The following TMEM232 variants were observed in gnomAD, a reference collection of about 807,000 sequenced individuals.
TMEM232 encodes the protein transmembrane protein 232.
Under a neutral mutation model 78.8 loss-of-function variants are expected in TMEM232, and 80 were observed. The observed-to-expected ratio is 1.01, with a 90% confidence interval of 0.85 to 1.22. The LOEUF (loss-of-function observed/expected upper bound fraction) is 1.22. TMEM232 is among the 50% of genes most tolerant of loss of function. The pLI is 0.00. For missense variants in TMEM232, 881 were observed against 742.2 expected (o/e 1.19, Z -2.17); for synonymous variants, 297 against 254.3 (o/e 1.17, Z -1.60).
chr5:110,538,419 G>C (rs1418861944), intron 11 of TMEM232, among the ~76,000 whole-genome samples: 1 of 152,088 alleles, frequency 6.6e-6, no homozygotes, highest in South Asian at 2.1e-4. Flanking sequence ...AAAATGGCAG[G>C]CAAAAATTAT....
chr5:110,406,616 G>A (rs973692587), intron 2 of TMEM232, among the ~76,000 whole-genome samples: 2 of 151,994 alleles, frequency 1.3e-5, no homozygotes, highest in African/African-American at 4.8e-5. Flanking sequence ...CATCTTGCAA[G>A]AAATGCTAAA....
chr5:110,658,323 C>T (rs753460109), intron 2 of TMEM232, among the ~76,000 whole-genome samples: 21 of 152,180 alleles, frequency 1.4e-4, no homozygotes, highest in Admixed American at 6.5e-4. Context: ...AAAATATCTA[C>T]GGTTTTATAT....
At chr5:110,619,297 T>C (rs1432268724) in intron 7 of TMEM232, among the ~76,000 whole-genome samples, 1 of 152,174 alleles carries the variant, frequency 6.6e-6, no homozygotes, top group African/African-American at 2.4e-5. Context: ...TTATTTATTA[T>C]ATAAAACAAC....
chr5:110,699,337 T>C (rs1795179308), intron 1 of TMEM232, among the ~76,000 whole-genome samples: 1 of 151,976 alleles, frequency 6.6e-6, no homozygotes, highest in African/African-American at 2.4e-5. Context: ...AAATAATACA[T>C]CTAACTGAAA....
At chr5:110,496,991 G>T (rs763977606) in intron 12 of TMEM232, among the ~76,000 whole-genome samples, 15 of 151,910 alleles carry the variant, frequency 9.9e-5, no homozygotes, top group Non-Finnish European at 1.9e-4. Flanking sequence ...AAATTCCTAG[G>T]ATCTGGTGAT....
chr5:110,430,772 T>C (rs1426754381), intron 12 of TMEM232, among the ~76,000 whole-genome samples: 1 of 151,748 alleles, frequency 6.6e-6, no homozygotes, highest in Non-Finnish European at 1.5e-5. Context: ...TGTTTGTCAC[T>C]AAAGTGATAG....
chr5:110,720,890 TAAGAG>T (rs1172154388), intron 1 of TMEM232: 5 of 151,972 alleles, frequency 3.3e-5, no homozygotes. Context: ...AAAATAAATA[TAAGAG>T]AAAATTAAAT....
intron 2 of TMEM232, among the ~76,000 whole-genome samples, chr5:110,661,171 C>G (rs1350175029): frequency 6.6e-6 from 1 of 152,138 alleles, no homozygotes; most frequent in East Asian, 1.9e-4. Flanking sequence ...GAATTTGATT[C>G]TTTTATGGTT....
chr5:110,559,289 G>A (rs1775484770), intron 11 of TMEM232, among the ~76,000 whole-genome samples: 1 of 152,100 alleles, frequency 6.6e-6, no homozygotes, highest in African/African-American at 2.4e-5. Context: ...TAGGAAAATA[G>A]TTCTTAAATA....
At chr5:110,413,479 A>G (rs1386713078) in intron 2 of TMEM232, among the ~76,000 whole-genome samples, 1 of 152,160 alleles carries the variant, frequency 6.6e-6, no homozygotes, top group Non-Finnish European at 1.5e-5. Context: ...ATACTCCTTA[A>G]TAAACTCCCT....
intron 3 of TMEM232, among the ~76,000 whole-genome samples, chr5:110,394,077 T>C (rs1755300959): frequency 6.6e-6 from 1 of 152,134 alleles, no homozygotes; most frequent in African/African-American, 2.4e-5. Flanking sequence ...TTAACCATCT[T>C]TATTGCCACT....
chr5:110,524,400 AAAGAAAGAAAG>A lies in TMEM232; in HGVS notation c.1703+4177_1703+4187del, dbSNP rs1221148348. 8.7e-3 allele frequency among the ~76,000 whole-genome samples: 603 copies of A among 69,248 alleles called. 3 individuals carry two copies. The highest frequency in any genetic ancestry group is 0.037 in the African/African-American group (511 of 13,954). 45.4% of individuals were successfully genotyped at this position (69,248 alleles called of 152,430 possible). A position where few individuals can be genotyped will look rare whatever the true frequency, so the allele number is the denominator to read the frequency against. On this transcript the variant is annotated intron_variant, in intron 12 of 13. Transcript: ENST00000455884. ...GAAAGAAAGAAAGAAAGAAAGAAAG[AAAGAAAGAAAG>A]AAAGAAAAGAAAAGAAAAGAAAAGA...
intron 12 of TMEM232, among the ~76,000 whole-genome samples, chr5:110,501,441 G>A (rs1766251511): frequency 6.6e-6 from 1 of 151,902 alleles, no homozygotes; most frequent in South Asian, 2.1e-4. Flanking sequence ...AAGAAATTAA[G>A]TTGTCATTTT....
chr5:110,599,823 G>C (rs1780670862), intron 10 of TMEM232, among the ~76,000 whole-genome samples: 1 of 152,072 alleles, frequency 6.6e-6, no homozygotes, highest in Admixed American at 6.6e-5. Flanking sequence ...GGACCTAATA[G>C]ACATCTACAA....
At chr5:110,449,363 G>GGAAAGAAAAAAAGGTGAATGAAT (rs1561509053) in intron 12 of TMEM232, among the ~76,000 whole-genome samples, 1 of 151,274 alleles carries the variant, frequency 6.6e-6, no homozygotes, top group African/African-American at 2.4e-5. Flanking sequence ...ATAACGATTC[G>GGAAAGAAAAAAAGGTGAATGAAT]GAAAGAAAAA....
intron 5 of TMEM232, among the ~76,000 whole-genome samples, chr5:110,634,406 T>A (rs1785529152): frequency 2.0e-5 from 3 of 152,140 alleles, no homozygotes; most frequent in Admixed American, 2.0e-4. Context: ...ATTCTTCTCA[T>A]TAGCACATGG....
intron 2 of TMEM232, among the ~76,000 whole-genome samples, chr5:110,732,665 C>A (rs1798792219): frequency 6.6e-6 from 1 of 152,196 alleles, no homozygotes; most frequent in Non-Finnish European, 1.5e-5. Flanking sequence ...GTCCCTCCCA[C>A]AACATGTGTG....
intron 13 of TMEM232, among the ~76,000 whole-genome samples, chr5:110,422,479 C>G (rs2112619474): frequency 7.5e-6 from 1 of 133,100 alleles, no homozygotes; most frequent in African/African-American, 2.9e-5. Context: ...AAGGTCACAC[C>G]ACTGCACTCC....
At chr5:110,423,780 CGTGTGT>C (rs146104536) in intron 13 of TMEM232, among the ~76,000 whole-genome samples, 28 of 142,484 alleles carry the variant, frequency 2.0e-4, no homozygotes, top group East Asian at 4.1e-4. Context: ...TTTATGCGTG[CGTGTGT>C]GTGTGTGTGT....
Sources: allele counts gnomAD v4.1 joint callset (sites outside exome capture counted in the v4.1 genomes callset), GRCh38; gene constraint gnomAD v4.1.1; transcripts MANE v1.5; gene names NCBI Gene and HGNC (gene_info 2026-07-23, HGNC 2026-07-21).